The following CCDC171 variants were observed in gnomAD, a reference collection of about 807,000 sequenced individuals.
CCDC171 encodes the protein coiled-coil domain-containing protein 171.
Under a neutral mutation model 168.2 loss-of-function variants are expected in CCDC171, and 177 were observed. The observed-to-expected ratio is 1.05, with a 90% CI of 0.93 to 1.19. The LOEUF (loss-of-function observed/expected upper bound fraction) is 1.19. CCDC171 is among the 50% of genes most tolerant of loss of function. CCDC171 has a pLI of 0.00. For missense variants in CCDC171, 1,991 were observed against 1,539.0 expected, an observed-to-expected ratio of 1.29 and a Z score of -4.91; for synonymous variants, 687 against 540.8, an observed-to-expected ratio of 1.27 and a Z score of -3.75.
At chr9:15,721,715 G>T in intron 11 of CCDC171, 54 bp from the exon 12 acceptor site, 1 of 997,464 alleles carries the variant, frequency 1.0e-6, no homozygotes, top group Non-Finnish European at 1.4e-6. Context: ...ATTTGCCTAA[G>T]TTTTGTCCCT....
intron 10 of CCDC171, among the ~76,000 whole-genome samples, chr9:15,692,173 C>G (rs529771545): frequency 3.3e-5 from 5 of 152,070 alleles, no homozygotes; most frequent in Non-Finnish European, 5.9e-5. Flanking sequence ...GCCAGGAGTT[C>G]GAGACCAGCT....
In CCDC171 at chr9:15,966,271, C is replaced by T. The variant is rs192661396; in HGVS notation, c.3754-5338C>T. On this transcript the variant is annotated intron_variant, in intron 25 of 25. Transcript: ENST00000380701. Reference sequence around the variant, plus strand: ...GGCAGACCTTGACCAGAGTTTGAAACGTGGAGGACTCACCCAACAAAGAGC... The same window carrying T: ...GGCAGACCTTGACCAGAGTTTGAAATGTGGAGGACTCACCCAACAAAGAGC... Among the ~76,000 whole-genome samples the T allele has an allele frequency of 1.8e-3, 269 of 152,218 alleles. 2 individuals carry two copies. The highest frequency in any genetic ancestry group is 5.7e-3 in the African/African-American group (235 of 41,528).
At chr9:15,859,362 TC>T (rs2061466022) in intron 23 of CCDC171, among the ~76,000 whole-genome samples, 1 of 151,956 alleles carries the variant, frequency 6.6e-6, no homozygotes, top group Non-Finnish European at 1.5e-5. Context: ...TCTTGTGATG[TC>T]CTTGTCTGGC....
chr9:15,640,980 A>T (rs1315428299), intron 7 of CCDC171, among the ~76,000 whole-genome samples: 1 of 152,156 alleles, frequency 6.6e-6, no homozygotes, highest in Non-Finnish European at 1.5e-5. Flanking sequence ...CATATAATAA[A>T]ATATTAACAG....
chr9:15,948,876 T>G (rs1161203943), intron 25 of CCDC171, among the ~76,000 whole-genome samples: 1 of 152,036 alleles, frequency 6.6e-6, no homozygotes, highest in Non-Finnish European at 1.5e-5. Flanking sequence ...CTTTTGGTGT[T>G]TTAGACATGA....
Position 15,733,860 on chromosome 9 carries a change from C to A in CCDC171, c.2049+4062C>A, listed in dbSNP as rs770533299. On this transcript the variant is annotated intron_variant, in intron 16 of 25. Coordinates refer to ENST00000380701, the MANE Select transcript of CCDC171 (RefSeq NM_173550.4). ...CACGGCTCACTGCAGCCTTAACCTC[C>A]TGTGCTCAAGTGGTCCCCCACCTCA... is the stretch of plus-strand genomic sequence containing the variant. 4.3e-4 allele frequency among the ~76,000 whole-genome samples: 66 copies of A among 152,174 alleles called. 1 individual carries two copies. Among genetic ancestry groups the A allele is most frequent in the Admixed American group, 4.2e-3 (64 of 15,270 alleles).
At chr9:15,737,533 A>G (rs777959882) in intron 16 of CCDC171, among the ~76,000 whole-genome samples, 1 of 152,296 alleles carries the variant, frequency 6.6e-6, no homozygotes, top group Non-Finnish European at 1.5e-5. Flanking sequence ...GTCAGAGGTA[A>G]TATCTCTTAA....
intron 21 of CCDC171, among the ~76,000 whole-genome samples, chr9:15,814,573 A>G (rs1465319308): frequency 6.6e-6 from 1 of 152,114 alleles, no homozygotes; most frequent in South Asian, 2.1e-4. Flanking sequence ...ATCATTTGGG[A>G]TTGAAATACA....
chr9:16,051,996 C>G (rs1226848854), intron 1 of CCDC171, among the ~76,000 whole-genome samples: 2 of 152,190 alleles, frequency 1.3e-5, no homozygotes, highest in Admixed American at 1.3e-4. Flanking sequence ...GACTTGTTCA[C>G]TATCGTGAGA....
chr9:15,664,567 T>TACACACACACCC (rs1554744795), intron 8 of CCDC171, among the ~76,000 whole-genome samples: 6 of 144,090 alleles, frequency 4.2e-5, no homozygotes, highest in African/African-American at 1.3e-4. Flanking sequence ...CTTAAATTTA[T>TACACACACACCC]ACACACACAC....
At chr9:15,947,905 A>T (rs1828613933) in intron 25 of CCDC171, among the ~76,000 whole-genome samples, 2 of 151,844 alleles carry the variant, frequency 1.3e-5, no homozygotes, top group African/African-American at 2.4e-5. Flanking sequence ...TACATGTGCC[A>T]TGCTGGTGCG....
the CCDC171 span, among the ~76,000 whole-genome samples, chr9:16,097,512 G>A: frequency 6.6e-6 from 1 of 152,218 alleles, no homozygotes. Context: ...GTGAAATTAA[G>A]TACTGAAGCT....
At chr9:15,681,056 T>G (rs2050010160) in intron 10 of CCDC171, among the ~76,000 whole-genome samples, 1 of 152,146 alleles carries the variant, frequency 6.6e-6, no homozygotes, top group South Asian at 2.1e-4. Context: ...AACAGATTTT[T>G]TTTTCTAAAA....
Position 15,728,061 on chromosome 9 carries a change from C to A in CCDC171, c.1860+25C>A, listed in dbSNP as rs770724467. 3.1e-5 allele frequency: 49 copies of A among 1,576,628 alleles called. No individual in the cohort carries two copies. The South Asian group carries it at 5.5e-4, about 18-fold the overall frequency. On this transcript the variant is annotated intron_variant, in intron 15 of 25. Transcript: ENST00000380701. ...GGTAACTGTCCTCAGGCACCAGATA[C>A]CTCTATTAAATTCAGTGACATTTGT...
At chr9:16,088,044 C>T in the CCDC171 span, among the ~76,000 whole-genome samples, 1 of 152,126 alleles carries the variant, frequency 6.6e-6, no homozygotes, top group Non-Finnish European at 1.5e-5. Context: ...TGGCTTCATC[C>T]CTGGGATGCA....
chr9:15,766,593 A>T (rs2056734862), intron 18 of CCDC171, among the ~76,000 whole-genome samples: 1 of 152,070 alleles, frequency 6.6e-6, no homozygotes, highest in African/African-American at 2.4e-5. Context: ...TTAAAAATGT[A>T]TTATGGTAAG....
intron 24 of CCDC171, among the ~76,000 whole-genome samples, chr9:15,896,801 A>G (rs1820968732): frequency 6.6e-6 from 1 of 152,112 alleles, no homozygotes; most frequent in Admixed American, 6.6e-5. Context: ...GTGGTGGCCC[A>G]GACCAGTCTA....
intron 1 of CCDC171, among the ~76,000 whole-genome samples, chr9:16,045,458 G>A (rs1586857462): frequency 1.3e-5 from 2 of 152,252 alleles, no homozygotes; most frequent in East Asian, 1.9e-4. Flanking sequence ...GCTAGGTGCT[G>A]GTAGCACTCC....
At chr9:15,786,172 A>G (rs2057943114) in intron 21 of CCDC171, among the ~76,000 whole-genome samples, 1 of 152,140 alleles carries the variant, frequency 6.6e-6, no homozygotes. Flanking sequence ...AATGCCAGGA[A>G]TTTCAAATGG....
Sources: gnomAD v4.1 joint callset for allele counts (sites outside exome capture counted in the v4.1 genomes callset) on GRCh38, gnomAD v4.1.1 for gene constraint, MANE v1.5 for transcripts, NCBI Gene and HGNC (gene_info 2026-07-23, HGNC 2026-07-21) for gene names.